Variants in SLC9A9 observed in about 807,000 individuals in gnomAD.
SLC9A9 encodes the protein sodium/hydrogen exchanger 9.
In SLC9A9, 62 loss-of-function variants were observed where a neutral mutation model predicts 77.8. The ratio of observed to expected loss-of-function variants is 0.80; its 90% CI spans 0.65 to 0.98. The LOEUF (loss-of-function observed/expected upper bound fraction) is 0.98, where lower values mean the gene tolerates loss of function less well. SLC9A9 is among the 50% of genes least tolerant of loss of function. The pLI is 0.00. For missense variants in SLC9A9, 775 were observed against 774.9 expected, an observed-to-expected ratio of 1.00 and a Z score of 0.00; for synonymous variants, 320 against 283.5, an observed-to-expected ratio of 1.13 and a Z score of -1.29.
At chr3:143,283,081 G>T (rs1938273856) in intron 14 of SLC9A9, among the ~76,000 whole-genome samples, 1 of 152,156 alleles carries the variant, frequency 6.6e-6, no homozygotes, top group African/African-American at 2.4e-5. Flanking sequence ...TTTCCTCTTT[G>T]TTTCCACAAA....
chr3:143,582,915 G>A (rs1411684918), intron 6 of SLC9A9, among the ~76,000 whole-genome samples: 2 of 152,154 alleles, frequency 1.3e-5, no homozygotes, highest in East Asian at 1.9e-4. Flanking sequence ...GGGAGGCCGA[G>A]GTGGGTGGAT....
intron 2 of SLC9A9, among the ~76,000 whole-genome samples, chr3:143,801,269 A>G (rs2008549588): frequency 6.6e-6 from 1 of 152,148 alleles, no homozygotes; most frequent in African/African-American, 2.4e-5. Context: ...TTGTCCAAAC[A>G]ACTTGACCTT....
chr3:143,647,572 C>T (rs2038726223), intron 6 of SLC9A9, among the ~76,000 whole-genome samples: 1 of 152,198 alleles, frequency 6.6e-6, no homozygotes, highest in Non-Finnish European at 1.5e-5. Flanking sequence ...CGTGATCCTA[C>T]ACAGCAAAGG....
intron 12 of SLC9A9, among the ~76,000 whole-genome samples, chr3:143,452,495 A>C (rs1474035960): frequency 8.1e-6 from 1 of 123,286 alleles, no homozygotes; most frequent in African/African-American, 3.0e-5. Context: ...AAAACTGATT[A>C]AAAAGACTAA....
intron 12 of SLC9A9, among the ~76,000 whole-genome samples, chr3:143,447,735 C>T (rs771262309): frequency 6.6e-6 from 1 of 152,120 alleles, no homozygotes; most frequent in Non-Finnish European, 1.5e-5. Context: ...AATAGAGCAT[C>T]GTTGTCTGTC....
At chr3:143,796,763 C>A in intron 3 of SLC9A9, 63 bp downstream of exon 3, 1 of 1,184,980 alleles carries the variant, frequency 8.4e-7, no homozygotes, top group Non-Finnish European at 1.2e-6. Flanking sequence ...AACAGTTTCT[C>A]ATTAGTGCTG....
intron 14 of SLC9A9, among the ~76,000 whole-genome samples, chr3:143,361,020 C>T (rs972947365): frequency 3.3e-5 from 5 of 152,304 alleles, no homozygotes; most frequent in Admixed American, 1.3e-4. Context: ...AGAATTCTGC[C>T]TAAGGACTGC....
chr3:143,730,938 C>T (rs572126950), intron 4 of SLC9A9, among the ~76,000 whole-genome samples: 2 of 152,280 alleles, frequency 1.3e-5, no homozygotes, highest in South Asian at 4.1e-4. Flanking sequence ...GCTCACATTG[C>T]TTATTTTTCT....
chr3:143,645,742 C>T (rs2108742698), intron 6 of SLC9A9, among the ~76,000 whole-genome samples: 1 of 152,172 alleles, frequency 6.6e-6, no homozygotes, highest in South Asian at 2.1e-4. Flanking sequence ...ATAACAGTCT[C>T]ATTTAAAAAG....
chr3:143,518,285 G>C (rs1344248859), intron 9 of SLC9A9: 1 of 1,278,350 alleles, frequency 7.8e-7, no homozygotes, highest in Admixed American at 1.7e-5. Flanking sequence ...AGGCCCAGGC[G>C]CTGGCTCAGC....
At chr3:143,671,734 T>C (rs1006855160) in intron 5 of SLC9A9, among the ~76,000 whole-genome samples, 1 of 152,216 alleles carries the variant, frequency 6.6e-6, no homozygotes, top group Non-Finnish European at 1.5e-5. Flanking sequence ...CAAGTACTGT[T>C]AAATGACACT....
intron 14 of SLC9A9, among the ~76,000 whole-genome samples, chr3:143,307,189 T>C (rs1352296061): frequency 6.6e-6 from 1 of 152,220 alleles, no homozygotes; most frequent in Non-Finnish European, 1.5e-5. Context: ...TGTTGGCAGA[T>C]TGATATTAGC....
chr3:143,590,955 T>C (rs933640424), intron 6 of SLC9A9, among the ~76,000 whole-genome samples: 8 of 152,170 alleles, frequency 5.3e-5, no homozygotes, highest in African/African-American at 9.7e-5. Flanking sequence ...CTGTGATGAG[T>C]GGCTGAATAA....
chr3:143,410,931 A>G (rs1231817314), intron 12 of SLC9A9, among the ~76,000 whole-genome samples: 1 of 152,172 alleles, frequency 6.6e-6, no homozygotes, highest in Non-Finnish European at 1.5e-5. Flanking sequence ...TTAATTTGCA[A>G]GTAATTAAAC....
At chr3:143,651,965 G>T (rs2038804135) in intron 6 of SLC9A9, among the ~76,000 whole-genome samples, 1 of 129,096 alleles carries the variant, frequency 7.7e-6, no homozygotes, top group South Asian at 2.4e-4. Context: ...AATGAAAAAA[G>T]CTCATTTATG....
At chr3:143,472,611 C>T (rs1410276603) in intron 11 of SLC9A9, among the ~76,000 whole-genome samples, 1 of 152,192 alleles carries the variant, frequency 6.6e-6, no homozygotes, top group Non-Finnish European at 1.5e-5. Flanking sequence ...TCCCTGTTTG[C>T]CCTATCAGAG....
chr3:143,429,519 A>T (rs1447687555), intron 12 of SLC9A9, among the ~76,000 whole-genome samples: 2 of 152,232 alleles, frequency 1.3e-5, no homozygotes, highest in Non-Finnish European at 2.9e-5. Context: ...AGAGAAGTCC[A>T]TCCCTGCTAC....
intron 6 of SLC9A9, among the ~76,000 whole-genome samples, chr3:143,635,706 C>A (rs1363299737): frequency 2.0e-5 from 3 of 152,114 alleles, no homozygotes; most frequent in Non-Finnish European, 2.9e-5. Flanking sequence ...TTCCCCTGAC[C>A]CATCTACCTG....
chr3:143,604,801 A>G (rs1205537912), intron 6 of SLC9A9, among the ~76,000 whole-genome samples: 1 of 152,162 alleles, frequency 6.6e-6, no homozygotes, highest in African/African-American at 2.4e-5. Flanking sequence ...AGTTTACAGT[A>G]CTCCCACTCA....
Sources: allele counts gnomAD v4.1 joint callset (sites outside exome capture counted in the v4.1 genomes callset), GRCh38; gene constraint gnomAD v4.1.1; transcripts MANE v1.5; gene names NCBI Gene and HGNC (gene_info 2026-07-23, HGNC 2026-07-21).